Variants in PPP2R5C observed in about 807,000 individuals in gnomAD.
PPP2R5C encodes protein phosphatase 2 regulatory subunit B'gamma.
In PPP2R5C, 7 loss-of-function variants were observed where a neutral mutation model predicts 68.9. That is an observed-to-expected ratio of 0.10 (90% CI 0.06 to 0.19). PPP2R5C has a LOEUF of 0.19. Among genes scored for constraint, PPP2R5C ranks in the 10% least tolerant of loss-of-function variants. The pLI is 1.00. For missense variants in PPP2R5C, 348 were observed against 641.3 expected (o/e 0.54, Z 4.94); for synonymous variants, 210 against 222.2 (o/e 0.95, Z 0.49).
At chr14:101,848,795 T>G (rs1273313646) in intron 1 of PPP2R5C, among the ~76,000 whole-genome samples, 1 of 152,222 alleles carries the variant, frequency 6.6e-6, no homozygotes, top group Non-Finnish European at 1.5e-5. Context: ...CACGTCTCAC[T>G]AGGTTCTTTC....
chr14:101,854,218 C>T (rs139120378), intron 1 of PPP2R5C, among the ~76,000 whole-genome samples: 1 of 152,102 alleles, frequency 6.6e-6, no homozygotes, highest in Non-Finnish European at 1.5e-5. Context: ...AGGCAGTACA[C>T]CCCACTCCCA....
chr14:101,795,839 T>C (rs1345522668), intron 3 of PPP2R5C, among the ~76,000 whole-genome samples: 1 of 152,214 alleles, frequency 6.6e-6, no homozygotes, highest in Non-Finnish European at 1.5e-5. Context: ...ATTTTCTTTT[T>C]TGAGACACGG....
intron 1 of PPP2R5C, among the ~76,000 whole-genome samples, chr14:101,831,955 G>A (rs1258398176): frequency 1.3e-5 from 2 of 152,254 alleles, no homozygotes; most frequent in African/African-American, 2.4e-5. Context: ...ACTTAAAAAA[G>A]AACCCATGGA....
Position 101,913,148 on chromosome 14 carries a change from T to C in PPP2R5C, c.1326+675T>C, listed in dbSNP as rs111526725. ...GCTGCTGTAAATGACTAGAGCGTTA[T>C]GACAGTTTCTTCACGTTCTGTGTGC... is the stretch of plus-strand genomic sequence containing the variant. On this transcript the variant is annotated intron_variant, in intron 12 of 13. Coordinates refer to ENST00000334743, the Ensembl canonical transcript of PPP2R5C. The surrounding 1 kb of genome is among the most constrained non-coding windows in gnomAD (Gnocchi z 4.1). Among the ~76,000 whole-genome samples the C allele has an allele frequency of 1.0e-4, 16 of 152,382 alleles. No individual in the cohort carries two copies. The highest frequency in any genetic ancestry group is 2.2e-4 in the Non-Finnish European group (15 of 68,040).
intron 2 of PPP2R5C, among the ~76,000 whole-genome samples, chr14:101,862,724 G>C (rs1279195166): frequency 2.0e-5 from 3 of 151,294 alleles, no homozygotes; most frequent in Non-Finnish European, 4.4e-5. Flanking sequence ...GAAATTTACA[G>C]AAATGTAAAA....
At chr14:101,896,537 C>A (rs2045338877) in intron 8 of PPP2R5C, among the ~76,000 whole-genome samples, 1 of 149,636 alleles carries the variant, frequency 6.7e-6, no homozygotes, top group Non-Finnish European at 1.5e-5. Flanking sequence ...AGTTGGAGAC[C>A]AGCCTGGGCA....
intron 2 of PPP2R5C, among the ~76,000 whole-genome samples, chr14:101,763,286 C>G (rs2036653383): frequency 6.6e-6 from 1 of 151,934 alleles, no homozygotes; most frequent in Non-Finnish European, 1.5e-5. Flanking sequence ...GTGGCGCAAT[C>G]TCTGCTCACT....
At chr14:101,872,758 T>C (rs1181854462) in intron 2 of PPP2R5C, among the ~76,000 whole-genome samples, 1 of 152,144 alleles carries the variant, frequency 6.6e-6, no homozygotes, top group Non-Finnish European at 1.5e-5. Context: ...TTGGCATGGT[T>C]TCCTTCATTT....
intron 2 of PPP2R5C, among the ~76,000 whole-genome samples, chr14:101,872,662 T>G (rs1224688361): frequency 6.6e-6 from 1 of 152,244 alleles, no homozygotes; most frequent in African/African-American, 2.4e-5. Context: ...CATTCTTTTC[T>G]TTGTTCCTTT....
chr14:101,897,842 T>C (rs1231589359), intron 8 of PPP2R5C, among the ~76,000 whole-genome samples: 1 of 151,826 alleles, frequency 6.6e-6, no homozygotes, highest in African/African-American at 2.4e-5. Flanking sequence ...TCCCCTCCTC[T>C]CCCACCTTTT....
intron 2 of PPP2R5C, among the ~76,000 whole-genome samples, chr14:101,777,702 A>G (rs976163625): frequency 3.9e-5 from 6 of 152,126 alleles, no homozygotes; most frequent in African/African-American, 1.2e-4. Context: ...ACTGTTTTCC[A>G]TATCAGCTGC....
Position 101,906,346 on chromosome 14 carries a change from A to G in PPP2R5C, c.1024-56A>G, listed in dbSNP as rs1302134898. ...GACTCACAGGTTTAACAGCAAGGAC[A>G]GCCACCTGATGTCTCAGGCACAACC... On this transcript the variant is annotated intron_variant, in intron 9 of 13. Transcript: ENST00000334743. The surrounding 1 kb of genome is among the most constrained non-coding windows in gnomAD (Gnocchi z 4.0). 5 of 1,521,208 alleles carry G rather than the reference A, an allele frequency of 3.3e-6. No homozygotes were observed. In the Admixed American group the frequency reaches 6.8e-5, roughly 21 times the overall value. The allele number at this position is 1,521,208 out of a possible 1,614,324, so 94.2% of individuals were successfully genotyped here. A position where few individuals can be genotyped will look rare whatever the true frequency, so the allele number is the denominator to read the frequency against.
chr14:101,874,463 T>A (rs947027408), intron 2 of PPP2R5C, among the ~76,000 whole-genome samples: 1 of 152,230 alleles, frequency 6.6e-6, no homozygotes, highest in Admixed American at 6.5e-5. Context: ...AACTAATCTT[T>A]GGCCCAGAGT....
At chr14:101,815,514 TA>T (rs974692565) in intron 1 of PPP2R5C, among the ~76,000 whole-genome samples, 3 of 152,192 alleles carry the variant, frequency 2.0e-5, no homozygotes, top group African/African-American at 7.2e-5. Context: ...ACTGTTGACT[TA>T]CCTCCTCCAC....
intron 6 of PPP2R5C, among the ~76,000 whole-genome samples, chr14:101,892,147 G>A (rs890358538): frequency 6.6e-6 from 1 of 152,000 alleles, no homozygotes; most frequent in Non-Finnish European, 1.5e-5. Flanking sequence ...AGCAGAGATG[G>A]GCTTTCACCA....
Position 101,897,992 on chromosome 14 carries a change from CA to C in PPP2R5C, c.852+3445del, listed in dbSNP as rs35907957. On this transcript the variant is annotated intron_variant, in intron 8 of 13. Coordinates refer to ENST00000334743, the Ensembl canonical transcript of PPP2R5C. ...AAACATAGTGAGACCTCCTCTCTAC[CA>C]AAAAAAAAAAAATTTAATTAGCTGG... 5.9e-3 allele frequency among the ~76,000 whole-genome samples: 844 copies of C among 143,160 alleles called. 1 individual carries two copies. The highest frequency in any genetic ancestry group is 0.021 in the Middle Eastern group (6 of 280). 93.9% of individuals were successfully genotyped at this position (143,160 alleles called of 152,430 possible). A position where few individuals can be genotyped will look rare whatever the true frequency, so the allele number is the denominator to read the frequency against.
chr14:101,836,261 C>G (rs1479232714), intron 1 of PPP2R5C: 1 of 702,808 alleles, frequency 1.4e-6, no homozygotes, highest in South Asian at 1.5e-5. Flanking sequence ...GCAGGGAGAG[C>G]AAACCCATGG....
intron 3 of PPP2R5C, among the ~76,000 whole-genome samples, chr14:101,795,676 G>A (rs952607077): frequency 2.0e-5 from 3 of 152,130 alleles, no homozygotes; most frequent in African/African-American, 4.8e-5. Flanking sequence ...AAGAGTTGCC[G>A]AGTATTTGGT....
chr14:101,821,903 C>T (rs1216579081), intron 1 of PPP2R5C, among the ~76,000 whole-genome samples: 1 of 151,936 alleles, frequency 6.6e-6, no homozygotes, highest in Non-Finnish European at 1.5e-5. Flanking sequence ...GAACAGAGGT[C>T]ACTTATGCTT....
Sources: gnomAD v4.1 joint callset for allele counts (sites outside exome capture counted in the v4.1 genomes callset) on GRCh38, gnomAD v4.1.1 for gene constraint, Gnocchi (gnomAD v3.1) non-coding constraint, MANE v1.5 for transcripts, NCBI Gene and HGNC (gene_info 2026-07-23, HGNC 2026-07-21) for gene names.